The following GCSAML variants were observed in gnomAD, a reference collection of about 807,000 sequenced individuals.
GCSAML encodes the protein germinal center-associated signaling and motility-like protein.
Under a neutral mutation model 13.0 loss-of-function variants are expected in GCSAML, and 9 were observed. The ratio of observed to expected loss-of-function variants is 0.69; its 90% CI spans 0.42 to 1.21. The LOEUF (loss-of-function observed/expected upper bound fraction) is 1.21. GCSAML is among the 50% of genes most tolerant of loss of function. GCSAML has a pLI of 0.00. For missense variants in GCSAML, 143 were observed against 153.4 expected, an observed-to-expected ratio of 0.93 and a Z score of 0.36; for synonymous variants, 37 against 52.9, an observed-to-expected ratio of 0.70 and a Z score of 1.31.
chr1:247,537,656 AC>A (rs1462748111), intron 2 of GCSAML, among the ~76,000 whole-genome samples: 1 of 151,510 alleles, frequency 6.6e-6, no homozygotes, highest in African/African-American at 2.4e-5. Context: ...GTTATTTTCC[AC>A]TTTTTACAAT....
intron 1 of GCSAML, among the ~76,000 whole-genome samples, chr1:247,518,133 T>C (rs1004377166): frequency 6.6e-6 from 1 of 152,172 alleles, no homozygotes; most frequent in Non-Finnish European, 1.5e-5. Context: ...CCCGCGTGGG[T>C]GTGCGGTGCG....
chr1:247,528,959 A>G (rs1666795292), intron 2 of GCSAML: 1 of 152,156 alleles, frequency 6.6e-6, no homozygotes, highest in South Asian at 2.1e-4. Flanking sequence ...TAATCAGTCA[A>G]TCTCTTTTGC....
intron 2 of GCSAML, among the ~76,000 whole-genome samples, chr1:247,542,199 C>T (rs1223158115): frequency 1.3e-5 from 2 of 152,056 alleles, no homozygotes; most frequent in Non-Finnish European, 2.9e-5. Context: ...TCATTTGAGC[C>T]CAGGAGTTCT....
At chr1:247,559,111 C>T (rs1368778766) in intron 2 of GCSAML, among the ~76,000 whole-genome samples, 3 of 152,164 alleles carry the variant, frequency 2.0e-5, no homozygotes, top group Non-Finnish European at 4.4e-5. Flanking sequence ...GGCTGTCTGG[C>T]ACCAACACTC....
At chr1:247,556,197 T>C (rs1053466339) in intron 1 of GCSAML, among the ~76,000 whole-genome samples, 1 of 152,234 alleles carries the variant, frequency 6.6e-6, no homozygotes, top group Non-Finnish European at 1.5e-5. Context: ...AGTCAGACTA[T>C]GGGCATTCTG....
intron 2 of GCSAML, among the ~76,000 whole-genome samples, chr1:247,561,915 G>T (rs1668142567): frequency 6.6e-6 from 1 of 152,094 alleles, no homozygotes; most frequent in Non-Finnish European, 1.5e-5. Flanking sequence ...CCACACGGAG[G>T]GTTGCAGCAG....
chr1:247,561,975 C>T (rs2103054344), intron 2 of GCSAML, among the ~76,000 whole-genome samples: 1 of 152,264 alleles, frequency 6.6e-6, no homozygotes. Context: ...GAATGGATCC[C>T]TCAGGCTTAA....
chr1:247,533,256 G>A (rs531308289), intron 2 of GCSAML, among the ~76,000 whole-genome samples: 212 of 152,018 alleles, frequency 1.4e-3, no homozygotes, highest in African/African-American at 4.9e-3. Context: ...AAAGTGTTGG[G>A]GCTCAGAAAA....
In GCSAML at chr1:247,574,270, T is replaced by C. The variant is rs750300961; in HGVS notation, c.296T>C (p.Val99Ala). 6 of 1,613,926 alleles carry C rather than the reference T, an allele frequency of 3.7e-6. 1 individual carries two copies. The highest frequency in any genetic ancestry group is 2.7e-5 in the African/African-American group (2 of 74,918). Residue 99 changes from valine (V) to alanine (A), a missense_variant, in exon 5 of 5, where the codon GTG (valine) becomes GCG (alanine). Transcript: ENST00000366488. ...YENIDSLTRK[V>A]RQFRERSETE... is the part of the protein sequence containing the mutation. Reference sequence around the variant, plus strand: ...AACATTGACTCCCTCACAAGGAAAGTGAGACAGTTTAGAGAAAGGTCAGAG... The same window carrying C: ...AACATTGACTCCCTCACAAGGAAAGCGAGACAGTTTAGAGAAAGGTCAGAG...
intron 2 of GCSAML, among the ~76,000 whole-genome samples, chr1:247,540,815 A>G (rs932532700): frequency 3.9e-5 from 6 of 152,196 alleles, no homozygotes; most frequent in African/African-American, 1.4e-4. Flanking sequence ...TTTTCAATTC[A>G]CGTAGAATAC....
chr1:247,541,284 G>A (rs1461067052), intron 2 of GCSAML, among the ~76,000 whole-genome samples: 2 of 152,126 alleles, frequency 1.3e-5, no homozygotes, highest in Non-Finnish European at 2.9e-5. Flanking sequence ...CAATTTCCCA[G>A]CAACTGAGCT....
intron 2 of GCSAML, among the ~76,000 whole-genome samples, chr1:247,537,841 T>A (rs377292253): frequency 1.5e-4 from 23 of 152,282 alleles, no homozygotes; most frequent in African/African-American, 5.5e-4. Flanking sequence ...ATTTTTTGAT[T>A]GGGTTGTTTG....
At chr1:247,533,774 A>G (rs954468988) in intron 2 of GCSAML, 2 of 152,174 alleles carry the variant, frequency 1.3e-5, no homozygotes, top group Non-Finnish European at 2.9e-5. Context: ...TGTTATGTAA[A>G]ACTATGATCA....
intron 1 of GCSAML, among the ~76,000 whole-genome samples, chr1:247,551,023 G>C (rs1183852790): frequency 1.3e-5 from 2 of 152,142 alleles, no homozygotes; most frequent in African/African-American, 4.8e-5. Flanking sequence ...ACTTGTCAAG[G>C]TTGCCTTTGC....
chr1:247,523,267 C>A (rs544115306), intron 1 of GCSAML, among the ~76,000 whole-genome samples: 1 of 152,130 alleles, frequency 6.6e-6, no homozygotes, highest in Non-Finnish European at 1.5e-5. Context: ...AACTGGAAAT[C>A]TTTCCTGAAG....
chr1:247,574,197 A>T lies in GCSAML; in HGVS notation c.223A>T (p.Ile75Phe). ...EEVCYTVINHIPHQRSSLSSN... is the reference protein window; with the variant it reads ...EEVCYTVINHFPHQRSSLSSN... ...AGTGTGCTACACTGTCATTAATCAC[A>T]TCCCCCATCAGAGATCCTCCCTGAG... The change falls in exon 5 of 5, where the codon ATC (isoleucine) becomes TTC (phenylalanine). Residue 75 changes from isoleucine (I) to phenylalanine (F), a missense_variant. Coordinates refer to ENST00000366488, the MANE Select transcript of GCSAML (RefSeq NM_145278.5). 1 of 1,614,070 alleles carries T rather than the reference A, an allele frequency of 6.2e-7. No homozygotes were observed.
At chr1:247,531,603 C>T (rs1428915906) in intron 2 of GCSAML, 11 of 1,613,986 alleles carry the variant, frequency 6.8e-6, no homozygotes, top group African/African-American at 1.3e-5. Context: ...ATACCATGTG[C>T]CGGAGGGCGC....
rs1429498673 is a variant in GCSAML at position 247,556,452 on chromosome 1, T to G, written c.75T>G (p.Asp25Glu). ...AGAAGCCCAAGAAAGGAAACCCAGATGAGGAAAGAAAACGGTAAGAACAGA... is the reference window on the plus strand; with the variant it reads ...AGAAGCCCAAGAAAGGAAACCCAGAGGAGGAAAGAAAACGGTAAGAACAGA... ...NQKKPKKGNP[D>E]EERKRQEMTT... is the part of the protein sequence containing the mutation. Residue 25 changes from aspartate (D) to glutamate (E), a missense_variant, in exon 2 of 5, where the codon GAT (aspartate) becomes GAG (glutamate). Asp to Glu is a conservative substitution (Grantham distance 45). Transcript: ENST00000366488. 6.2e-7 allele frequency: 1 copy of G among 1,611,132 alleles called. No homozygotes were observed. Among genetic ancestry groups the G allele is most frequent in the Non-Finnish European group, 8.5e-7 (1 of 1,177,814 alleles).
At chr1:247,567,568 A>G (rs1668434608) in intron 4 of GCSAML, among the ~76,000 whole-genome samples, 1 of 152,154 alleles carries the variant, frequency 6.6e-6, no homozygotes, top group Non-Finnish European at 1.5e-5. Context: ...TTCTTTATCC[A>G]GTCTAACATT....
Sources: gnomAD v4.1 joint callset for allele counts (sites outside exome capture counted in the v4.1 genomes callset) on GRCh38, gnomAD v4.1.1 for gene constraint, MANE v1.5 for transcripts, NCBI Gene and HGNC (gene_info 2026-07-23, HGNC 2026-07-21) for gene names.